Variants in AGMO observed in about 807,000 individuals in gnomAD.
The protein encoded by AGMO is alkylglycerol monooxygenase, also known as glyceryl-ether monooxygenase.
In AGMO, 75 loss-of-function variants were observed where a neutral mutation model predicts 60.2. The ratio of observed to expected loss-of-function variants is 1.25; its 90% confidence interval spans 1.03 to 1.51. The LOEUF is 1.51. AGMO is among the 40% of genes most tolerant of loss of function. The pLI, the probability that AGMO is intolerant of heterozygous loss-of-function variation, is 0.00. For synonymous variants in AGMO, 261 were observed against 177.1 expected (o/e 1.47, Z -3.76); for missense variants, 763 against 525.5 (o/e 1.45, Z -4.42).
intron 12 of AGMO, among the ~76,000 whole-genome samples, chr7:15,232,827 A>AC (rs765250048): frequency 1.1e-3 from 166 of 151,520 alleles, no homozygotes; most frequent in East Asian, 2.7e-3. Context: ...ACACACACAC[A>AC]AAAACTAAAG....
chr7:15,254,310 A>G (rs1214794995), intron 12 of AGMO, among the ~76,000 whole-genome samples: 1 of 152,166 alleles, frequency 6.6e-6, no homozygotes. Flanking sequence ...AGGAACTTCT[A>G]TACATTTTTT....
intron 12 of AGMO, among the ~76,000 whole-genome samples, chr7:15,330,280 T>G (rs1253684852): frequency 6.6e-6 from 1 of 152,170 alleles, no homozygotes; most frequent in Admixed American, 6.6e-5. Flanking sequence ...ACCCCTTCCT[T>G]GAAATCATTG....
intron 3 of AGMO, among the ~76,000 whole-genome samples, chr7:15,529,656 C>CTGTATACAGAATATATATAG (rs1583651132): frequency 2.6e-3 from 69 of 27,030 alleles, no homozygotes; most frequent in Non-Finnish European, 3.5e-3. Flanking sequence ...ACTATATATT[C>CTGTATACAGAATATATATAG]TATATATATT....
chr7:15,318,003 T>C (rs1016922622), intron 12 of AGMO, among the ~76,000 whole-genome samples: 18 of 137,458 alleles, frequency 1.3e-4, no homozygotes, highest in South Asian at 4.6e-4. Context: ...CGTATATATA[T>C]ACATATATTT....
chr7:15,558,632 C>T (rs1020618163), intron 2 of AGMO, among the ~76,000 whole-genome samples: 1 of 151,942 alleles, frequency 6.6e-6, no homozygotes, highest in African/African-American at 2.4e-5. Context: ...TTATCTTCTT[C>T]TGATTTCAAC....
intron 12 of AGMO, among the ~76,000 whole-genome samples, chr7:15,324,998 T>TA (rs1304064808): frequency 1.3e-5 from 2 of 151,926 alleles, no homozygotes; most frequent in East Asian, 1.9e-4. Flanking sequence ...AATTAAAAAT[T>TA]AAAAAAAAAT....
intron 3 of AGMO, among the ~76,000 whole-genome samples, chr7:15,515,876 G>A (rs1048080175): frequency 1.3e-5 from 2 of 152,086 alleles, no homozygotes; most frequent in Non-Finnish European, 1.5e-5. Context: ...CTGTAGACAG[G>A]GTATGTGCAT....
At chr7:15,236,036 G>A (rs1782409425) in intron 12 of AGMO, among the ~76,000 whole-genome samples, 1 of 152,002 alleles carries the variant, frequency 6.6e-6, no homozygotes, top group Non-Finnish European at 1.5e-5. Flanking sequence ...CACTTCAAAT[G>A]CTATAAAGAA....
At chr7:15,219,086 C>T (rs1371458293) in intron 12 of AGMO, among the ~76,000 whole-genome samples, 1 of 151,906 alleles carries the variant, frequency 6.6e-6, no homozygotes, top group Non-Finnish European at 1.5e-5. Flanking sequence ...GTATTAAGTA[C>T]CTCCATGCAC....
chr7:15,422,421 C>T (rs967469427), intron 4 of AGMO, among the ~76,000 whole-genome samples: 1 of 151,742 alleles, frequency 6.6e-6, no homozygotes, highest in African/African-American at 2.4e-5. Context: ...ATGTCACCAA[C>T]CTAAGGATTA....
chr7:15,402,620 A>G (rs1440675733), intron 5 of AGMO, among the ~76,000 whole-genome samples: 1 of 147,468 alleles, frequency 6.8e-6, no homozygotes, highest in East Asian at 1.9e-4. Context: ...AATAATATAT[A>G]TTAAATATAT....
intron 3 of AGMO, among the ~76,000 whole-genome samples, chr7:15,515,661 G>A (rs543605191): frequency 6.6e-6 from 1 of 152,194 alleles, no homozygotes; most frequent in Non-Finnish European, 1.5e-5. Context: ...GCCTTCTCAT[G>A]TAGAAAGACT....
chr7:15,123,544 C>T, the AGMO span, among the ~76,000 whole-genome samples: 1 of 151,992 alleles, frequency 6.6e-6, no homozygotes, highest in South Asian at 2.1e-4. Context: ...ATTTACAATG[C>T]TCTCTAACAT....
Position 15,476,655 on chromosome 7 carries a change from C to T in AGMO, c.410-45547G>A, listed in dbSNP as rs190422717. ...GCAGTCTCTAAGAGGGCAAGTGCAA[C>T]AAAAACAGTGAGCCCTTTTCCTTCT... On this transcript the variant is annotated intron_variant, in intron 3 of 12. Transcript: ENST00000342526. Among the ~76,000 whole-genome samples, 50 of 152,140 alleles carry T rather than the reference C, an allele frequency of 3.3e-4. No individual in the cohort carries two copies. In the East Asian group the frequency reaches 9.5e-3, roughly 29 times the overall value.
intron 12 of AGMO, among the ~76,000 whole-genome samples, chr7:15,234,813 C>A (rs988545528): frequency 2.0e-5 from 3 of 152,136 alleles, no homozygotes; most frequent in African/African-American, 7.2e-5. Flanking sequence ...GAATATTATT[C>A]TTCTTTTGAC....
At chr7:15,425,914 T>C (rs1172905837) in intron 4 of AGMO, among the ~76,000 whole-genome samples, 3 of 152,234 alleles carry the variant, frequency 2.0e-5, no homozygotes, top group Non-Finnish European at 2.9e-5. Flanking sequence ...CTCACTCTAG[T>C]AATTTCAATT....
At chr7:15,336,390 T>G (rs1289092272) in intron 12 of AGMO, among the ~76,000 whole-genome samples, 2 of 152,012 alleles carry the variant, frequency 1.3e-5, no homozygotes, top group Non-Finnish European at 2.9e-5. Context: ...CACTGTACTT[T>G]TCTATAAAAT....
the AGMO span, among the ~76,000 whole-genome samples, chr7:15,169,172 T>C: frequency 6.6e-6 from 1 of 152,180 alleles, no homozygotes; most frequent in African/African-American, 2.4e-5. Flanking sequence ...TGACTTTAGG[T>C]CAGGGGTTGG....
chr7:15,234,960 C>T (rs1782373477), intron 12 of AGMO, among the ~76,000 whole-genome samples: 1 of 152,056 alleles, frequency 6.6e-6, no homozygotes, highest in African/African-American at 2.4e-5. Context: ...TCCGTTTTAG[C>T]TTTTCCTAAT....
Sources: allele counts gnomAD v4.1 joint callset (sites outside exome capture counted in the v4.1 genomes callset), GRCh38; gene constraint gnomAD v4.1.1; transcripts MANE v1.5; gene names NCBI Gene and HGNC (gene_info 2026-07-23, HGNC 2026-07-21).